BRINP1: variants seen among roughly 807,000 people sequenced by gnomAD.
The protein encoded by BRINP1 is BMP/retinoic acid-inducible neural-specific protein 1.
A neutral mutation model predicts 72.9 loss-of-function variants in BRINP1; 17 were observed. The ratio of observed to expected loss-of-function variants is 0.23; its 90% CI spans 0.16 to 0.35. BRINP1 has a LOEUF of 0.35. Ranked by LOEUF, BRINP1 falls within the 10% of genes least tolerant of loss-of-function variation. The probability of loss-of-function intolerance (pLI) is 1.00; values close to 1 mark genes in which losing one functional copy is unlikely to be tolerated. For synonymous variants in BRINP1, 418 were observed against 378.5 expected (o/e 1.10, Z -1.21); for missense variants, 850 against 1,001.6 (o/e 0.85, Z 2.04).
chr9:119,264,643 A>C (rs921814413), intron 2 of BRINP1, among the ~76,000 whole-genome samples: 1 of 152,168 alleles, frequency 6.6e-6, no homozygotes, highest in African/African-American at 2.4e-5. Flanking sequence ...ATGAACTTTC[A>C]GAAACTAGCC....
intron 7 of BRINP1, among the ~76,000 whole-genome samples, chr9:119,178,287 G>A (rs1588155446): frequency 1.3e-5 from 2 of 152,146 alleles, no homozygotes; most frequent in South Asian, 2.1e-4. Flanking sequence ...TTTCTAGAGA[G>A]GCCAACTGCA....
intron 1 of BRINP1, among the ~76,000 whole-genome samples, chr9:119,340,612 T>C (rs185364505): frequency 4.0e-4 from 61 of 152,316 alleles, no homozygotes; most frequent in Admixed American, 1.1e-3. Context: ...TAGGACTCAA[T>C]TGAGTCACTG....
At chr9:119,168,560 A>G (rs1431306082) in intron 7 of BRINP1, among the ~76,000 whole-genome samples, 2 of 119,534 alleles carry the variant, frequency 1.7e-5, no homozygotes, top group African/African-American at 5.1e-5. Context: ...TCAGGAAATG[A>G]AAGTGTCTAG....
intron 7 of BRINP1, among the ~76,000 whole-genome samples, chr9:119,188,100 A>T (rs1197993746): frequency 6.6e-6 from 1 of 152,192 alleles, no homozygotes; most frequent in African/African-American, 2.4e-5. Context: ...TACTTACATG[A>T]TGAGTGTAAG....
intron 7 of BRINP1, 64 bp from the exon 8 acceptor site, chr9:119,168,288 T>A (rs1396613224): frequency 7.5e-7 from 1 of 1,327,778 alleles, no homozygotes; most frequent in Non-Finnish European, 1.0e-6. Context: ...GTTACAGTTA[T>A]CCAACTGATA....
intron 1 of BRINP1, among the ~76,000 whole-genome samples, chr9:119,347,273 G>A (rs1831461332): frequency 6.6e-6 from 1 of 152,112 alleles, no homozygotes; most frequent in Admixed American, 6.6e-5. Context: ...GGGCAATGAG[G>A]AGATTAAGAG....
At position 119,176,450 on chromosome 9, in the gene BRINP1, C is replaced by A. The variant is rs570488815; in HGVS notation, c.1146-8226G>T. On this transcript the variant is annotated intron_variant, in intron 7 of 7. Coordinates refer to ENST00000265922, the MANE Select transcript of BRINP1 (RefSeq NM_014618.3). The stretch of plus-strand genomic sequence containing the variant: ...AGCCACAATCCCCAAACCACAAACA[C>A]CAAGAGCCTAATTAGGCAGTAGAGC... Among the ~76,000 whole-genome samples, 70 of 152,294 alleles carry A rather than the reference C, an allele frequency of 4.6e-4. 1 individual carries two copies. Among genetic ancestry groups the A allele is most frequent in the Non-Finnish European group, 6.8e-4 (46 of 68,020 alleles).
At position 119,292,621 on chromosome 9, in the gene BRINP1, T is replaced by C. The variant is rs574037486; in HGVS notation, c.218+20517A>G. ...TTCAGCCTTTCATAGACTCTGCCAA[T>C]GCAGAGACTATGAAAGTCCAACTTC... On this transcript the variant is annotated intron_variant, in intron 2 of 7. Transcript: ENST00000265922. 3.3e-5 allele frequency among the ~76,000 whole-genome samples: 5 copies of C among 152,306 alleles called. No individual in the cohort carries two copies. In the South Asian group the frequency reaches 8.3e-4, roughly 25 times the overall value.
intron 7 of BRINP1, among the ~76,000 whole-genome samples, chr9:119,181,119 G>T (rs553911700): frequency 1.3e-4 from 20 of 152,270 alleles, no homozygotes; most frequent in African/African-American, 4.6e-4. Flanking sequence ...GAAGGAAGGC[G>T]CCCGGAGCTT....
At chr9:119,290,519 C>G (rs526243) in intron 2 of BRINP1, among the ~76,000 whole-genome samples, 72,127 of 151,970 alleles carry the variant, frequency 0.47, 18,001 homozygotes, top group African/African-American at 0.63. Flanking sequence ...GAAGGAGAAT[C>G]AGGATTCTGA....
intron 5 of BRINP1, among the ~76,000 whole-genome samples, chr9:119,230,320 G>A (rs1202548456): frequency 6.6e-6 from 1 of 152,036 alleles, no homozygotes; most frequent in African/African-American, 2.4e-5. Context: ...CTTTCACGGA[G>A]GCTGTGAAGG....
In BRINP1 at chr9:119,245,518, T is replaced by A. The variant is rs866558537; in HGVS notation, c.410-3302A>T. ...ATTTCTATGCCTGTTTTCTTGTGTGTTTTTCCCTTCACCCCCCTTCATAGG... is the reference window on the plus strand; with the variant it reads ...ATTTCTATGCCTGTTTTCTTGTGTGATTTTCCCTTCACCCCCCTTCATAGG... On this transcript the variant is annotated intron_variant, in intron 3 of 7. Coordinates refer to ENST00000265922, the MANE Select transcript of BRINP1 (RefSeq NM_014618.3). 4.6e-5 allele frequency among the ~76,000 whole-genome samples: 7 copies of A among 152,166 alleles called. No homozygotes were observed. In the South Asian group the frequency reaches 6.2e-4, roughly 14 times the overall value.
At chr9:119,292,314 T>G (rs1830828798) in intron 2 of BRINP1, among the ~76,000 whole-genome samples, 1 of 152,202 alleles carries the variant, frequency 6.6e-6, no homozygotes, top group Non-Finnish European at 1.5e-5. Flanking sequence ...AAAAATATAA[T>G]GGACGTAGGA....
chr9:119,345,336 A>G (rs1396172848), intron 1 of BRINP1, among the ~76,000 whole-genome samples: 1 of 151,882 alleles, frequency 6.6e-6, no homozygotes, highest in Non-Finnish European at 1.5e-5. Flanking sequence ...TTCTTGGGAG[A>G]AAAAAAAATT....
chr9:119,196,010 G>A (rs966737294), intron 7 of BRINP1, among the ~76,000 whole-genome samples: 1 of 151,952 alleles, frequency 6.6e-6, no homozygotes, highest in Admixed American at 6.6e-5. Flanking sequence ...GCATTTTTTT[G>A]TAATTCAACA....
At chr9:119,236,373 T>C (rs1830191637) in intron 5 of BRINP1, among the ~76,000 whole-genome samples, 1 of 152,184 alleles carries the variant, frequency 6.6e-6, no homozygotes, top group African/African-American at 2.4e-5. Flanking sequence ...ACTAGCTGTT[T>C]TATTTAAAAA....
intron 1 of BRINP1, among the ~76,000 whole-genome samples, chr9:119,327,001 A>G (rs1831248260): frequency 6.6e-6 from 1 of 152,190 alleles, no homozygotes. Context: ...TGTTGTGAGT[A>G]TGGAATCTAC....
At chr9:119,290,020 G>C (rs979449708) in intron 2 of BRINP1, among the ~76,000 whole-genome samples, 11 of 152,174 alleles carry the variant, frequency 7.2e-5, no homozygotes, top group Non-Finnish European at 1.3e-4. Flanking sequence ...TCAGGAACTG[G>C]TCAAGTCTGC....
At chr9:119,248,860 G>C in intron 3 of BRINP1, 100 bp downstream of exon 3, 1 of 1,038,672 alleles carries the variant, frequency 9.6e-7, no homozygotes, top group Non-Finnish European at 1.4e-6. Context: ...TAGAATGGCA[G>C]AGAAGCTAAG....
Sources: allele counts gnomAD v4.1 joint callset (sites outside exome capture counted in the v4.1 genomes callset), GRCh38; gene constraint gnomAD v4.1.1; transcripts MANE v1.5; gene names NCBI Gene and HGNC (gene_info 2026-07-23, HGNC 2026-07-21).